The following ZNF423 variants were observed in gnomAD, a reference collection of about 807,000 sequenced individuals.
The protein encoded by ZNF423 is Ebf-associated zinc finger protein.
Under a neutral mutation model 95.8 loss-of-function variants are expected in ZNF423, and 12 were observed. That is an observed-to-expected ratio of 0.13 (90% CI 0.08 to 0.20). The LOEUF is 0.20. Among genes scored for constraint, ZNF423 ranks in the 10% least tolerant of loss-of-function variants. The probability of loss-of-function intolerance (pLI) is 1.00; values close to 1 mark genes in which losing one functional copy is unlikely to be tolerated. For missense variants in ZNF423, 1,316 were observed against 1,737.1 expected (o/e 0.76, Z 4.31); for synonymous variants, 749 against 711.9 (o/e 1.05, Z -0.83).
At chr16:49,678,044 G>A (rs551010842) in intron 3 of ZNF423, among the ~76,000 whole-genome samples, 12 of 152,118 alleles carry the variant, frequency 7.9e-5, no homozygotes, top group Admixed American at 5.9e-4. Flanking sequence ...TTAGCTGGGC[G>A]TGGTGATGGG....
intron 5 of ZNF423, among the ~76,000 whole-genome samples, chr16:49,593,118 A>G (rs770659342): frequency 2.0e-5 from 3 of 152,156 alleles, no homozygotes; most frequent in Non-Finnish European, 2.9e-5. Context: ...ACAGCAATCC[A>G]GCTCTGACCC....
At chr16:49,734,724 C>A (rs542858727) in intron 2 of ZNF423, among the ~76,000 whole-genome samples, 2 of 152,188 alleles carry the variant, frequency 1.3e-5, no homozygotes, top group African/African-American at 4.8e-5. Flanking sequence ...CCGACCTGTC[C>A]GTCCAGCTGA....
chr16:49,596,095 G>A (rs1380524895), intron 5 of ZNF423, among the ~76,000 whole-genome samples: 17 of 152,154 alleles, frequency 1.1e-4, no homozygotes, highest in African/African-American at 3.9e-4. Flanking sequence ...AGTATTTTCG[G>A]TGAAATTAAC....
In ZNF423 at chr16:49,704,283, G is replaced by C. The variant is rs546662433; in HGVS notation, c.301+26488C>G. On this transcript the variant is annotated intron_variant, in intron 3 of 7. Coordinates refer to ENST00000563137, the MANE Select transcript of ZNF423 (RefSeq NM_001379286.1). Reference sequence around the variant, plus strand: ...TCAACTCCACTCCATGACACTCCACGAAAACTCCCACTAAGCATGCCACAC... The same window carrying C: ...TCAACTCCACTCCATGACACTCCACCAAAACTCCCACTAAGCATGCCACAC... Among the ~76,000 whole-genome samples, 126 of 152,164 alleles carry C rather than the reference G, an allele frequency of 8.3e-4. 1 individual carries two copies. The highest frequency in any genetic ancestry group is 1.5e-3 in the Non-Finnish European group (105 of 67,978).
rs1387324477 is a variant in ZNF423, at chr16:49,638,624, C to T, written c.552G>A (p.Lys184=). Residue 184 remains lysine (K), a synonymous_variant, in exon 4 of 8, where the codon AAG becomes AAA. Coordinates refer to ENST00000563137, the MANE Select transcript of ZNF423 (RefSeq NM_001379286.1). This position sits in a 1 kb window ranked among gnomAD's most constrained non-coding sequence, Gnocchi z 5.6. ...FKCTYCSRLF[K]HKRSRDRHIK... ...TGTGCCGGTCACGGCTCCTCTTGTGCTTGAAGAGGCGGCTGCAGTAGGTGC... is the reference window on the plus strand; with the variant it reads ...TGTGCCGGTCACGGCTCCTCTTGTGTTTGAAGAGGCGGCTGCAGTAGGTGC... 6.2e-7 allele frequency: 1 copy of T among 1,613,990 alleles called. No homozygotes were observed. The highest frequency in any genetic ancestry group is 8.5e-7 in the Non-Finnish European group (1 of 1,179,976).
At chr16:49,681,192 G>A (rs374370228) in intron 3 of ZNF423, among the ~76,000 whole-genome samples, 9 of 152,216 alleles carry the variant, frequency 5.9e-5, no homozygotes, top group South Asian at 2.1e-4. Context: ...GAAAGGAAGC[G>A]AGAAGTGAAG....
rs181186385 is a variant in ZNF423, at chr16:49,611,323, A to G, written c.3601+14847T>C. ...TAGTGTTTTTTCCTATCACAATGGA[A>G]CCAAACTAGAAATTAATAGCAGAAA... On this transcript the variant is annotated intron_variant, in intron 5 of 7. Coordinates refer to ENST00000563137, the MANE Select transcript of ZNF423 (RefSeq NM_001379286.1). Among the ~76,000 whole-genome samples the G allele has an allele frequency of 5.2e-3, 790 of 152,174 alleles. 4 individuals are homozygous for G. The highest frequency in any genetic ancestry group is 8.0e-3 in the Non-Finnish European group (541 of 67,904).
At chr16:49,646,568 C>CTTTTTTTTTTTTTTTTTTT (rs1194511671) in intron 3 of ZNF423, among the ~76,000 whole-genome samples, 1 of 120,720 alleles carries the variant, frequency 8.3e-6, no homozygotes, top group Non-Finnish European at 1.8e-5. Flanking sequence ...ATTTTCTTTT[C>CTTTTTTTTTTTTTTTTTTT]TTTTTCTTTT....
chr16:49,646,784 G>A (rs1193686605), intron 3 of ZNF423, among the ~76,000 whole-genome samples: 1 of 151,998 alleles, frequency 6.6e-6, no homozygotes, highest in Non-Finnish European at 1.5e-5. Context: ...ATCTTAGTCA[G>A]GCTGGTCTTG....
At chr16:49,497,672 T>A (rs1356649179) in intron 7 of ZNF423, among the ~76,000 whole-genome samples, 1 of 152,202 alleles carries the variant, frequency 6.6e-6, no homozygotes, top group African/African-American at 2.4e-5. Flanking sequence ...CCTGGCAGGT[T>A]CCAGCCACAG....
chr16:49,661,996 C>T (rs1260623687), intron 3 of ZNF423, among the ~76,000 whole-genome samples: 1 of 152,214 alleles, frequency 6.6e-6, no homozygotes, highest in Non-Finnish European at 1.5e-5. Flanking sequence ...ATGGCACATG[C>T]TCAATGAACA....
chr16:49,534,427 A>G (rs1968983899), intron 5 of ZNF423, among the ~76,000 whole-genome samples: 1 of 152,188 alleles, frequency 6.6e-6, no homozygotes, highest in South Asian at 2.1e-4. Flanking sequence ...CTAATTTTGT[A>G]TTTTTAGTAG....
intron 2 of ZNF423, among the ~76,000 whole-genome samples, chr16:49,788,384 A>G (rs1178544153): frequency 1.3e-5 from 2 of 152,168 alleles, no homozygotes; most frequent in Non-Finnish European, 2.9e-5. Flanking sequence ...TACTATTAAC[A>G]CTTTCTTGTC....
At chr16:49,713,656 C>T (rs559619247) in intron 3 of ZNF423, among the ~76,000 whole-genome samples, 67 of 152,290 alleles carry the variant, frequency 4.4e-4, no homozygotes, top group African/African-American at 1.5e-3. Flanking sequence ...CTCCATCTCC[C>T]GGTTTGAGTG....
chr16:49,606,731 G>C (rs1345681914), intron 5 of ZNF423, among the ~76,000 whole-genome samples: 1 of 152,208 alleles, frequency 6.6e-6, no homozygotes, highest in Non-Finnish European at 1.5e-5. Flanking sequence ...GTGATCACAG[G>C]GGCCCTGGGA....
intron 1 of ZNF423, among the ~76,000 whole-genome samples, chr16:49,821,793 A>G (rs2034945541): frequency 6.6e-6 from 1 of 152,104 alleles, no homozygotes; most frequent in South Asian, 2.1e-4. Flanking sequence ...GGCCCAGGGA[A>G]GGAGGCCACA....
intron 2 of ZNF423, among the ~76,000 whole-genome samples, chr16:49,776,489 C>T (rs1416637653): frequency 6.6e-6 from 1 of 152,220 alleles, no homozygotes; most frequent in African/African-American, 2.4e-5. Flanking sequence ...GTTTCCCCAG[C>T]ATTACCCAGG....
intron 5 of ZNF423, among the ~76,000 whole-genome samples, chr16:49,535,381 T>C (rs1040333626): frequency 6.6e-6 from 1 of 152,188 alleles, no homozygotes; most frequent in Non-Finnish European, 1.5e-5. Context: ...TGATCAGCAA[T>C]TGCTCAGAGA....
At chr16:49,504,856 A>T (rs1967568319) in intron 7 of ZNF423, among the ~76,000 whole-genome samples, 2 of 152,156 alleles carry the variant, frequency 1.3e-5, no homozygotes, top group African/African-American at 4.8e-5. Flanking sequence ...GGAAGAACAG[A>T]AGACCTCAAG....
Sources: gnomAD v4.1 joint callset for allele counts (sites outside exome capture counted in the v4.1 genomes callset) on GRCh38, gnomAD v4.1.1 for gene constraint, Gnocchi (gnomAD v3.1) non-coding constraint, MANE v1.5 for transcripts, NCBI Gene and HGNC (gene_info 2026-07-23, HGNC 2026-07-21) for gene names.